BARD1: variants seen among roughly 807,000 people sequenced by gnomAD.
BARD1 encodes BRCA1-associated RING domain protein 1.
Under a neutral mutation model 77.0 loss-of-function variants are expected in BARD1, and 73 were observed. The ratio of observed to expected loss-of-function variants is 0.95; its 90% CI spans 0.79 to 1.15. The LOEUF is 1.15. BARD1 is among the 50% of genes most tolerant of loss of function. The probability of loss-of-function intolerance (pLI) is 0.00; values close to 1 mark genes in which losing one functional copy is unlikely to be tolerated. For missense variants in BARD1, 993 were observed against 938.8 expected (o/e 1.06, Z -0.75); for synonymous variants, 384 against 338.0 (o/e 1.14, Z -1.49).
chr2:214,748,928 T>C (rs1444097793), intron 7 of BARD1, among the ~76,000 whole-genome samples: 3 of 152,144 alleles, frequency 2.0e-5, no homozygotes, highest in South Asian at 2.1e-4. Flanking sequence ...AGGGCTACTA[T>C]AGTAAACAGA....
intron 9 of BARD1, among the ~76,000 whole-genome samples, chr2:214,738,482 A>G (rs1447605464): frequency 1.3e-5 from 2 of 152,036 alleles, no homozygotes; most frequent in African/African-American, 2.4e-5. Flanking sequence ...TACAGAAGGT[A>G]TTTTTTTATT....
At chr2:214,807,718 A>G (rs147423873) in intron 1 of BARD1, among the ~76,000 whole-genome samples, 1,489 of 112,498 alleles carry the variant, frequency 0.013, 29 homozygotes, top group African/African-American at 0.045. Flanking sequence ...AATCATTAGT[A>G]TTACTCATAT....
At chr2:214,784,390 A>T (rs1695176178) in intron 3 of BARD1, among the ~76,000 whole-genome samples, 1 of 152,164 alleles carries the variant, frequency 6.6e-6, no homozygotes, top group Non-Finnish European at 1.5e-5. Context: ...GATGCTGGAG[A>T]GGATGTGGAG....
rs878853996 is a variant in BARD1 at position 214,780,627 on chromosome 2, A to C, written c.1247T>G (p.Leu416Arg). Residue 416 changes from leucine to arginine, a missense_variant, in exon 4 of 11, where the codon CTG becomes CGG. Coordinates refer to ENST00000260947, the MANE Select transcript of BARD1 (RefSeq NM_000465.4). ...TCTTTTCACAGCCATATTGGGCAAC[A>C]GCTTCATTGCTGAGGGACTAGACAT... ...RVMSSPSAMK[L>R]LPNMAVKRNH... 10 of 1,613,994 alleles carry C rather than the reference A, an allele frequency of 6.2e-6. No homozygotes were observed. In the Admixed American group the frequency reaches 1.2e-4, roughly 19 times the overall value.
chr2:214,742,332 AAAAC>A (rs981862404), intron 9 of BARD1, among the ~76,000 whole-genome samples: 7 of 152,216 alleles, frequency 4.6e-5, no homozygotes, highest in South Asian at 2.1e-4. Flanking sequence ...CATCTCTTAA[AAAAC>A]AAACAAAGAA....
chr2:214,745,770 G>C lies in BARD1; in HGVS notation c.1762C>G (p.Leu588Val), dbSNP rs559584913. Residue 588 changes from leucine (L) to valine (V), a missense_variant, in exon 8 of 11, where the codon CTT (leucine) becomes GTT (valine). Physicochemically the swap from Leu to Val is conservative, Grantham distance 32. Transcript: ENST00000260947. ...TTTTTAGCCTTAAGAATTACTGCAA[G>C]CTCACTGAGCATTTTCTGTTGTTCT... ...SSEQQKMLSE[L>V]AVILKAKKYT... The C allele has an allele frequency of 1.2e-6, 2 of 1,613,944 alleles. No homozygotes were observed. The highest frequency in any genetic ancestry group is 1.3e-5 in the African/African-American group (1 of 74,992).
intron 7 of BARD1, among the ~76,000 whole-genome samples, chr2:214,750,286 C>G (rs2106031475): frequency 6.6e-6 from 1 of 152,284 alleles, no homozygotes; most frequent in African/African-American, 2.4e-5. Context: ...TTCCTACTCC[C>G]AGCTAGCCTG....
chr2:214,755,985 A>C (rs372688102), intron 6 of BARD1, among the ~76,000 whole-genome samples: 58 of 152,352 alleles, frequency 3.8e-4, no homozygotes, highest in African/African-American at 1.4e-3. Context: ...TTCGACAGTC[A>C]GTTCTTTTAA....
intron 1 of BARD1, among the ~76,000 whole-genome samples, chr2:214,802,348 T>C (rs1475099474): frequency 1.3e-5 from 2 of 152,204 alleles, no homozygotes; most frequent in Non-Finnish European, 2.9e-5. Flanking sequence ...GGGCTAATGT[T>C]AGTGTTCTGG....
At chr2:214,749,030 T>C (rs1357831461) in intron 7 of BARD1, among the ~76,000 whole-genome samples, 1 of 151,724 alleles carries the variant, frequency 6.6e-6, no homozygotes, top group African/African-American at 2.4e-5. Context: ...AAATGAGAAA[T>C]AGTATGGTAC....
Position 214,781,453 on chromosome 2 carries a change from T to A in BARD1, c.421A>T (p.Asn141Tyr), listed in dbSNP as rs1358540318. ...GGGCTAAACCACATTTTAATTGAAT[T>A]CTTCTTGTTTCCTGCATCATTAAAC... ...SLFNDAGNKK[N>Y]SIKMWFSPRS... The change falls in exon 4 of 11, where the codon AAT (asparagine) becomes TAT (tyrosine). Residue 141 changes from asparagine to tyrosine, a missense_variant. Transcript: ENST00000260947. The A allele has an allele frequency of 6.2e-7, 1 of 1,613,070 alleles. No individual in the cohort carries two copies. Among genetic ancestry groups the A allele is most frequent in the Admixed American group, 1.7e-5 (1 of 59,902 alleles).
chr2:214,764,498 A>T (rs1694105626), intron 6 of BARD1, among the ~76,000 whole-genome samples: 1 of 152,184 alleles, frequency 6.6e-6, no homozygotes. Context: ...AAGACCCTAC[A>T]TATTTTAAGG....
chr2:214,793,798 CAGTG>C (rs946507577), intron 2 of BARD1, among the ~76,000 whole-genome samples: 34 of 152,108 alleles, frequency 2.2e-4, no homozygotes, highest in South Asian at 6.2e-4. Context: ...CTGTATAGCT[CAGTG>C]AGTATTTCTC....
chr2:214,804,503 G>A (rs1189286493), intron 1 of BARD1, among the ~76,000 whole-genome samples: 1 of 152,108 alleles, frequency 6.6e-6, no homozygotes, highest in Non-Finnish European at 1.5e-5. Context: ...TGGAAGATAC[G>A]ATACAAGCTG....
chr2:214,763,474 AC>A (rs1472342991), intron 6 of BARD1, among the ~76,000 whole-genome samples: 2 of 152,206 alleles, frequency 1.3e-5, no homozygotes, highest in Non-Finnish European at 2.9e-5. Flanking sequence ...CTAAGAGAAA[AC>A]TTCAACCTTG....
At chr2:214,760,595 T>A (rs1693910041) in intron 6 of BARD1, among the ~76,000 whole-genome samples, 1 of 152,202 alleles carries the variant, frequency 6.6e-6, no homozygotes, top group South Asian at 2.1e-4. Flanking sequence ...CGAGACTAAC[T>A]CTATGGCTGG....
In BARD1 at chr2:214,781,356, G is replaced by GC. The variant is rs1574821129; in HGVS notation, c.517dup (p.Ala173GlyfsTer9). On this transcript the variant is annotated frameshift_variant, in exon 4 of 11. Transcript: ENST00000260947. LOFTEE classifies it high-confidence loss of function. ...TTCATATGAGTCTTGCTGAGCACTT[G>GC]CATCTTTTTTTATTGCAGGCTGGGT... is the stretch of plus-strand genomic sequence containing the variant. 6.2e-7 allele frequency: 1 copy of GC among 1,613,672 alleles called. No individual in the cohort carries two copies. Among genetic ancestry groups the GC allele is most frequent in the Non-Finnish European group, 8.5e-7 (1 of 1,179,914 alleles).
intron 6 of BARD1, among the ~76,000 whole-genome samples, chr2:214,753,144 CA>C (rs1292295229): frequency 6.6e-6 from 1 of 152,014 alleles, no homozygotes; most frequent in East Asian, 1.9e-4. Flanking sequence ...TCACAAGTCA[CA>C]GAATGTTACG....
intron 6 of BARD1, among the ~76,000 whole-genome samples, chr2:214,765,745 C>CGT (rs1377533305): frequency 1.3e-5 from 2 of 152,000 alleles, no homozygotes; most frequent in Admixed American, 6.6e-5. Context: ...CAAACACGCA[C>CGT]GTGTGTACAC....
Sources: gnomAD v4.1 joint callset for allele counts (sites outside exome capture counted in the v4.1 genomes callset) on GRCh38, gnomAD v4.1.1 for gene constraint, MANE v1.5 for transcripts, NCBI Gene and HGNC (gene_info 2026-07-23, HGNC 2026-07-21) for gene names.